The following EML5 variants were observed in gnomAD, a reference collection of about 807,000 sequenced individuals.
EML5 encodes the protein echinoderm microtubule-associated protein-like 5.
EML5 carries 120 observed loss-of-function variants against 250.0 expected under a neutral mutation model. That is an observed-to-expected ratio of 0.48 (90% CI 0.41 to 0.56). EML5 has a LOEUF of 0.56. Ranked by LOEUF, EML5 falls within the 20% of genes least tolerant of loss-of-function variation. EML5 has a pLI of 0.00. For missense variants in EML5, 2,006 were observed against 2,437.6 expected (o/e 0.82, Z 3.73); for synonymous variants, 771 against 806.5 (o/e 0.96, Z 0.75).
chr14:88,724,392 A>T (rs1029676434), intron 8 of EML5, among the ~76,000 whole-genome samples: 1 of 152,120 alleles, frequency 6.6e-6, no homozygotes, highest in Admixed American at 6.6e-5. Context: ...TAAGAAGACC[A>T]TTTTGTGAGT....
At chr14:88,658,096 C>T (rs2091938464) in intron 26 of EML5, 91 bp downstream of exon 26, 1 of 1,306,178 alleles carries the variant, frequency 7.7e-7, no homozygotes, top group Non-Finnish European at 1.1e-6. Flanking sequence ...ATTATTCAAA[C>T]ATTATTATTA....
intron 21 of EML5, among the ~76,000 whole-genome samples, chr14:88,672,330 A>G (rs2092484699): frequency 6.6e-6 from 1 of 152,218 alleles, no homozygotes; most frequent in South Asian, 2.1e-4. Context: ...GCAGAGATCA[A>G]GAAGTCCTTT....
chr14:88,746,124 G>T, intron 3 of EML5, 61 bp downstream of exon 3: 1 of 1,333,022 alleles, frequency 7.5e-7, no homozygotes. Flanking sequence ...AAAATCTCCT[G>T]AACTCTCTTC....
chr14:88,707,270 TTTTATTTA>T (rs36057410), intron 10 of EML5, among the ~76,000 whole-genome samples: 3,379 of 145,556 alleles, frequency 0.023, 53 homozygotes, highest in Non-Finnish European at 0.028. Context: ...TAGGGATATA[TTTTATTTA>T]TTTATTTATT....
chr14:88,619,304 G>A (rs541175996), intron 39 of EML5: 2 of 152,736 alleles, frequency 1.3e-5, no homozygotes, highest in Non-Finnish European at 2.9e-5. Flanking sequence ...GGCACAGGTT[G>A]TGGTGAGCTG....
intron 8 of EML5, among the ~76,000 whole-genome samples, chr14:88,717,543 G>T (rs143908352): frequency 6.6e-6 from 1 of 152,126 alleles, no homozygotes; most frequent in African/African-American, 2.4e-5. Context: ...CAGATCACAA[G>T]ATCAGAGAGA....
chr14:88,762,596 G>C (rs951835639), intron 1 of EML5, among the ~76,000 whole-genome samples: 1 of 152,104 alleles, frequency 6.6e-6, no homozygotes, highest in Non-Finnish European at 1.5e-5. Flanking sequence ...GTCAATATTA[G>C]ATCAATGAGA....
chr14:88,695,348 G>GT lies in EML5; in HGVS notation c.2438+12dup, dbSNP rs1233460889. On this transcript the variant is annotated intron_variant, in intron 16 of 43. Coordinates refer to ENST00000554922, the MANE Select transcript of EML5 (RefSeq NM_183387.3). ...TAGTATTTTGCAAATGTGATATCAA[G>GT]TTTTTTTCCTACCTTGCTATTGAAA... The GT allele has an allele frequency of 2.5e-6, 4 of 1,599,934 alleles. No individual in the cohort carries two copies. The African/African-American group carries it at 4.0e-5, about 16-fold the overall frequency.
intron 8 of EML5, among the ~76,000 whole-genome samples, chr14:88,726,232 T>C (rs915075613): frequency 2.6e-5 from 4 of 152,202 alleles, no homozygotes; most frequent in South Asian, 2.1e-4. Flanking sequence ...TGAAAATCTA[T>C]ACTAACAGGA....
chr14:88,746,297 A>C lies in EML5; in HGVS notation c.358-14T>G, dbSNP rs1390029400. 6.2e-7 allele frequency: 1 copy of C among 1,609,778 alleles called. No homozygotes were observed. The highest frequency in any genetic ancestry group is 1.1e-5 in the South Asian group (1 of 90,496). On this transcript the variant is annotated splice_polypyrimidine_tract_variant and intron_variant, in intron 2 of 43. Transcript: ENST00000554922. ...TGAAACCAAGCGCTGATTTATGTCCAAGAAGTCCAGGAAGGAATAAAAAGG... is the reference window on the plus strand; with the variant it reads ...TGAAACCAAGCGCTGATTTATGTCCCAGAAGTCCAGGAAGGAATAAAAAGG...
intron 8 of EML5, among the ~76,000 whole-genome samples, chr14:88,722,612 G>T (rs1487152694): frequency 6.6e-6 from 1 of 152,092 alleles, no homozygotes; most frequent in African/African-American, 2.4e-5. Flanking sequence ...GAGGCCTTTG[G>T]GGGTGGGGTG....
At chr14:88,743,358 C>G (rs1328586804) in intron 4 of EML5, among the ~76,000 whole-genome samples, 1 of 151,856 alleles carries the variant, frequency 6.6e-6, no homozygotes, top group Non-Finnish European at 1.5e-5. Context: ...TGTATCAAAA[C>G]ATCACTATGT....
chr14:88,729,281 T>C (rs567784389), intron 7 of EML5, among the ~76,000 whole-genome samples: 11 of 152,304 alleles, frequency 7.2e-5, no homozygotes, highest in African/African-American at 2.6e-4. Context: ...TTTTTTCTGA[T>C]TTCAAAGGAA....
At chr14:88,725,565 A>G (rs2093654329) in intron 8 of EML5, among the ~76,000 whole-genome samples, 1 of 152,176 alleles carries the variant, frequency 6.6e-6, no homozygotes, top group African/African-American at 2.4e-5. Context: ...AATAGGCTGG[A>G]AAGATGGGCA....
intron 1 of EML5, among the ~76,000 whole-genome samples, chr14:88,785,508 G>A (rs984881145): frequency 6.6e-6 from 1 of 152,112 alleles, no homozygotes; most frequent in African/African-American, 2.4e-5. Flanking sequence ...ATAAAACAGA[G>A]CTGTTGATCT....
intron 27 of EML5, among the ~76,000 whole-genome samples, chr14:88,651,163 T>C (rs865891720): frequency 0.013 from 1,867 of 148,592 alleles, 44 homozygotes; most frequent in African/African-American, 0.042. Flanking sequence ...TCTTTTTTTT[T>C]TTTTTTTTTT....
At position 88,744,056 on chromosome 14, in the gene EML5, A is replaced by G. The variant is rs777961460; in HGVS notation, c.492T>C (p.Asn164=). The G allele has an allele frequency of 1.2e-5, 19 of 1,577,070 alleles. No homozygotes were observed. The highest frequency in any genetic ancestry group is 2.6e-6 in the Non-Finnish European group (3 of 1,158,642). Residue 164 remains asparagine (N), a synonymous_variant, in exon 4 of 44, where the codon AAT becomes AAC. Coordinates refer to ENST00000554922, the MANE Select transcript of EML5 (RefSeq NM_183387.3). ...FDISWDLYQP[N]KLVSCGVKHI... ...GTTTTACACCACAGCTGACAAGTTT[A>G]TTTGGCTGGTACAAATCCCAAGAAA...
chr14:88,650,498 TA>T (rs1436634818), intron 27 of EML5, among the ~76,000 whole-genome samples: 1 of 152,100 alleles, frequency 6.6e-6, no homozygotes, highest in East Asian at 1.9e-4. Flanking sequence ...AAACATTTAT[TA>T]AAAAAGAAAA....
chr14:88,702,516 T>C lies in EML5; in HGVS notation c.2168A>G (p.Tyr723Cys). The stretch of plus-strand genomic sequence containing the variant: ...GAGAATATCATCATCATGACCCAGA[T>C]AAAAACGCTGTGTGTTTTGCTGTCG... ...YNRQQNTQRF[Y>C]LGHDDDILCL... is the part of the protein sequence containing the mutation. The change falls in exon 14 of 44, where the codon TAT (tyrosine) becomes TGT (cysteine). Residue 723 changes from tyrosine (Y) to cysteine (C), a missense_variant. By Grantham distance (194) the Tyr-to-Cys change is radical (BLOSUM62 -2). Coordinates refer to ENST00000554922, the MANE Select transcript of EML5 (RefSeq NM_183387.3). The C allele has an allele frequency of 6.2e-7, 1 of 1,613,482 alleles. No homozygotes were observed. Among genetic ancestry groups the C allele is most frequent in the Non-Finnish European group, 8.5e-7 (1 of 1,179,626 alleles).
Sources: allele counts gnomAD v4.1 joint callset (sites outside exome capture counted in the v4.1 genomes callset), GRCh38; gene constraint gnomAD v4.1.1; transcripts MANE v1.5; gene names NCBI Gene and HGNC (gene_info 2026-07-23, HGNC 2026-07-21).